The following COL19A1 variants were observed in gnomAD, a reference collection of about 807,000 sequenced individuals.
The protein encoded by COL19A1 is collagen alpha-1(XIX) chain.
Under a neutral mutation model 190.2 loss-of-function variants are expected in COL19A1, and 159 were observed. The observed-to-expected ratio is 0.84, with a 90% CI of 0.73 to 0.95. The LOEUF (loss-of-function observed/expected upper bound fraction) is 0.95. COL19A1 is among the 40% of genes least tolerant of loss of function. The pLI is 0.00. For missense variants in COL19A1, 1,418 were observed against 1,431.9 expected (o/e 0.99, Z 0.16); for synonymous variants, 509 against 458.9 (o/e 1.11, Z -1.39).
intron 31 of COL19A1, among the ~76,000 whole-genome samples, chr6:70,155,347 G>A (rs937090755): frequency 3.9e-5 from 6 of 152,062 alleles, no homozygotes; most frequent in African/African-American, 1.4e-4. Flanking sequence ...CCCTTATTCT[G>A]TGCCTTTCTT....
intron 7 of COL19A1, 106 bp from the exon 8 acceptor site, chr6:69,936,679 T>C: frequency 7.0e-7 from 1 of 1,436,344 alleles, no homozygotes; most frequent in Non-Finnish European, 9.5e-7. Context: ...AAGAAGCAGT[T>C]CTTGCAGGCA....
chr6:70,087,911 G>T (rs181544091), intron 15 of COL19A1, among the ~76,000 whole-genome samples: 25 of 152,334 alleles, frequency 1.6e-4, no homozygotes, highest in Admixed American at 1.4e-3. Context: ...TTTCAGGCCA[G>T]TAGGTTGGCC....
intron 4 of COL19A1, among the ~76,000 whole-genome samples, chr6:69,912,698 G>C (rs1049282541): frequency 2.6e-5 from 4 of 152,088 alleles, no homozygotes; most frequent in African/African-American, 9.7e-5. Context: ...CTGTCCCCTG[G>C]GCCCTGAGGC....
chr6:70,195,706 C>G (rs1350330360), intron 48 of COL19A1, among the ~76,000 whole-genome samples: 1 of 152,180 alleles, frequency 6.6e-6, no homozygotes. Flanking sequence ...TTTTAGTTCC[C>G]CTCTTTCACC....
intron 14 of COL19A1, among the ~76,000 whole-genome samples, chr6:70,058,793 T>A (rs942855927): frequency 3.3e-5 from 5 of 151,872 alleles, no homozygotes; most frequent in East Asian, 1.9e-4. Context: ...TTAAAAAAAA[T>A]TATGGCACTA....
intron 14 of COL19A1, among the ~76,000 whole-genome samples, chr6:70,039,767 T>G (rs548699447): frequency 6.6e-6 from 1 of 151,760 alleles, no homozygotes; most frequent in East Asian, 1.9e-4. Flanking sequence ...ATTGTTTTTT[T>G]TTTTTTTTCT....
intron 1 of COL19A1, among the ~76,000 whole-genome samples, chr6:69,872,747 GCTGT>G (rs1158630122): frequency 1.3e-5 from 2 of 152,140 alleles, no homozygotes; most frequent in African/African-American, 2.4e-5. Flanking sequence ...TACAGGGACG[GCTGT>G]CTGAATGATT....
At chr6:70,156,574 A>G in intron 33 of COL19A1, 96 bp from the exon 34 acceptor site, 2 of 1,362,338 alleles carry the variant, frequency 1.5e-6, no homozygotes, top group South Asian at 2.5e-5. Flanking sequence ...CCCTGTCCAA[A>G]TTACATGCCC....
intron 49 of COL19A1, among the ~76,000 whole-genome samples, chr6:70,201,904 A>T (rs1463654332): frequency 2.0e-5 from 3 of 152,202 alleles, no homozygotes; most frequent in Admixed American, 2.0e-4. Context: ...AGTGCACAGG[A>T]AATTGAAGTG....
chr6:69,959,913 G>T lies in COL19A1; in HGVS notation c.937-83G>T, dbSNP rs760971336. The stretch of plus-strand genomic sequence containing the variant: ...TAGGCTACCTTTCCCCACAACACTA[G>T]AGCTATTTGTTAAAGACCACAAAAA... On this transcript the variant is annotated intron_variant, in intron 9 of 50. Coordinates refer to ENST00000620364, the MANE Select transcript of COL19A1 (RefSeq NM_001858.6). 5 of 1,235,820 alleles carry T rather than the reference G, an allele frequency of 4.0e-6. No homozygotes were observed. The African/African-American group carries it at 7.6e-5, about 19-fold the overall frequency. The allele number at this position is 1,235,820 out of a possible 1,614,324, so 76.6% of individuals were successfully genotyped here. A position where few individuals can be genotyped will look rare whatever the true frequency, so the allele number is the denominator to read the frequency against.
intron 2 of COL19A1, among the ~76,000 whole-genome samples, chr6:69,881,455 C>T (rs1056290615): frequency 7.2e-5 from 11 of 152,160 alleles, no homozygotes; most frequent in Non-Finnish European, 1.3e-4. Flanking sequence ...ATTATAAACA[C>T]GGTACTATAC....
At chr6:70,008,878 T>C (rs1413182317) in intron 11 of COL19A1, among the ~76,000 whole-genome samples, 2 of 151,976 alleles carry the variant, frequency 1.3e-5, no homozygotes, top group African/African-American at 4.8e-5. Context: ...CATTTGAAAA[T>C]TTGTTGATGT....
chr6:70,186,308 A>G (rs1766509551), intron 46 of COL19A1, among the ~76,000 whole-genome samples: 1 of 152,204 alleles, frequency 6.6e-6, no homozygotes, highest in African/African-American at 2.4e-5. Flanking sequence ...ACATGATCAG[A>G]GTATTAATCA....
intron 9 of COL19A1, among the ~76,000 whole-genome samples, chr6:69,945,269 T>A (rs1773723941): frequency 6.6e-6 from 1 of 152,032 alleles, no homozygotes; most frequent in Non-Finnish European, 1.5e-5. Context: ...AAATCAAAAC[T>A]GTTTAAAATG....
At chr6:70,133,037 C>T (rs1785618962) in intron 18 of COL19A1, among the ~76,000 whole-genome samples, 1 of 152,182 alleles carries the variant, frequency 6.6e-6, no homozygotes, top group African/African-American at 2.4e-5. Flanking sequence ...ATCTTTCCTT[C>T]CTCTCATGAG....
intron 16 of COL19A1, among the ~76,000 whole-genome samples, chr6:70,109,446 C>T (rs145057534): frequency 6.6e-6 from 1 of 151,832 alleles, no homozygotes; most frequent in East Asian, 1.9e-4. Context: ...ATGGCTTCAT[C>T]ATATAGGGCC....
At chr6:70,110,302 C>T (rs917044244) in intron 16 of COL19A1, among the ~76,000 whole-genome samples, 10 of 152,114 alleles carry the variant, frequency 6.6e-5, no homozygotes, top group African/African-American at 2.4e-4. Flanking sequence ...AGTCATGTTG[C>T]TCAGTTTTCC....
intron 34 of COL19A1, among the ~76,000 whole-genome samples, chr6:70,160,479 G>A (rs1367980513): frequency 1.3e-5 from 2 of 152,014 alleles, no homozygotes; most frequent in Admixed American, 6.6e-5. Flanking sequence ...CAAAACCAAA[G>A]CCTCTGAAAA....
chr6:69,887,804 A>C (rs1769044218), intron 2 of COL19A1, among the ~76,000 whole-genome samples: 1 of 152,134 alleles, frequency 6.6e-6, no homozygotes, highest in Admixed American at 6.6e-5. Flanking sequence ...TCACTAGGCC[A>C]GAGTCCCTGC....
Sources: allele counts gnomAD v4.1 joint callset (sites outside exome capture counted in the v4.1 genomes callset), GRCh38; gene constraint gnomAD v4.1.1; transcripts MANE v1.5; gene names NCBI Gene and HGNC (gene_info 2026-07-23, HGNC 2026-07-21).